Variants in XPR1 observed in about 807,000 individuals in gnomAD.
XPR1 encodes xenotropic and polytropic retrovirus receptor 1, also known as solute carrier family 53 member 1.
Under a neutral mutation model 87.5 loss-of-function variants are expected in XPR1, and 28 were observed. The observed-to-expected ratio is 0.32, with a 90% CI of 0.24 to 0.44. The LOEUF (loss-of-function observed/expected upper bound fraction) is 0.44, where lower values mean the gene tolerates loss of function less well. XPR1 is among the 20% of genes least tolerant of loss of function. The pLI, the probability that XPR1 is intolerant of heterozygous loss-of-function variation, is 1.00. For missense variants in XPR1, 559 were observed against 862.3 expected, an observed-to-expected ratio of 0.65 and a Z score of 4.41; for synonymous variants, 300 against 306.1, an observed-to-expected ratio of 0.98 and a Z score of 0.21.
chr1:180,772,322 C>T (rs552877098), intron 2 of XPR1, among the ~76,000 whole-genome samples: 8 of 152,154 alleles, frequency 5.3e-5, no homozygotes, highest in Non-Finnish European at 1.0e-4. Flanking sequence ...TTTCCCTGAC[C>T]CAGCCCTGGA....
chr1:180,644,595 T>C (rs1655053495), intron 1 of XPR1, among the ~76,000 whole-genome samples: 1 of 152,132 alleles, frequency 6.6e-6, no homozygotes, highest in South Asian at 2.1e-4. Context: ...AGATTCTACC[T>C]GTAAAACAGT....
chr1:180,852,493 T>G (rs1391626418), intron 11 of XPR1, among the ~76,000 whole-genome samples: 1 of 152,166 alleles, frequency 6.6e-6, no homozygotes, highest in African/African-American at 2.4e-5. Flanking sequence ...AACCACAGTC[T>G]GAAAACTTTA....
intron 2 of XPR1, among the ~76,000 whole-genome samples, chr1:180,780,493 A>T (rs547889726): frequency 1.3e-5 from 2 of 152,242 alleles, no homozygotes; most frequent in East Asian, 1.9e-4. Context: ...GTCCATTTTT[A>T]AAAATTTGGT....
At chr1:180,844,719 C>T (rs962438236) in intron 11 of XPR1, among the ~76,000 whole-genome samples, 2 of 152,234 alleles carry the variant, frequency 1.3e-5, no homozygotes, top group Non-Finnish European at 2.9e-5. Context: ...GGGTTTGGCT[C>T]CTCACTGCAG....
At chr1:180,865,403 C>CTT (rs756971131) in intron 12 of XPR1, among the ~76,000 whole-genome samples, 315 of 140,582 alleles carry the variant, frequency 2.2e-3, no homozygotes, top group African/African-American at 7.3e-3. Context: ...ACATTTGTTT[C>CTT]TTTTTTTTTT....
chr1:180,651,045 C>T (rs1244986395), intron 1 of XPR1, among the ~76,000 whole-genome samples: 3 of 151,732 alleles, frequency 2.0e-5, no homozygotes, highest in African/African-American at 7.3e-5. Context: ...ACAGGACCCC[C>T]TTTCGATGTC....
chr1:180,742,020 G>A (rs374598882), intron 2 of XPR1, among the ~76,000 whole-genome samples: 1 of 151,426 alleles, frequency 6.6e-6, no homozygotes, highest in Non-Finnish European at 1.5e-5. Flanking sequence ...GGTAATTTGT[G>A]TCTTTTCTTT....
chr1:180,824,658 G>T, intron 7 of XPR1, 95 bp from the exon 8 acceptor site: 1 of 1,077,690 alleles, frequency 9.3e-7, no homozygotes, highest in Non-Finnish European at 1.3e-6. Context: ...AAATTTCTAT[G>T]CCAGGGCTAT....
chr1:180,833,854 T>TA (rs1263789317), intron 9 of XPR1, among the ~76,000 whole-genome samples: 2 of 152,248 alleles, frequency 1.3e-5, no homozygotes, highest in African/African-American at 4.8e-5. Flanking sequence ...TGTCATATGC[T>TA]ATCTGGAAAA....
chr1:180,726,160 A>G (rs111390727), intron 2 of XPR1, among the ~76,000 whole-genome samples: 55 of 152,194 alleles, frequency 3.6e-4, no homozygotes, highest in South Asian at 8.3e-4. Context: ...AAAAACACCA[A>G]TCAGCGCTAT....
Position 180,665,107 on chromosome 1 carries a change from G to GAATCTTACAATTCCTA in XPR1, c.70-17252_70-17251insATCTTACAATTCCTAA, listed in dbSNP as rs1655913943. On this transcript the variant is annotated intron_variant, in intron 1 of 14. Coordinates refer to ENST00000367590, the MANE Select transcript of XPR1 (RefSeq NM_004736.4). The stretch of plus-strand genomic sequence containing the variant: ...TGACTCACAGTTTCCCATTGCTGAG[G>GAATCTTACAATTCCTA]AGGTCTTAGGAATCTTACAATTGTG... Among the ~76,000 whole-genome samples the GAATCTTACAATTCCTA allele has an allele frequency of 2.6e-5, 4 of 152,294 alleles. No homozygotes were observed. The South Asian group carries it at 8.3e-4, about 32-fold the overall frequency.
intron 1 of XPR1, among the ~76,000 whole-genome samples, chr1:180,667,903 T>G (rs1338508006): frequency 2.0e-5 from 3 of 152,136 alleles, no homozygotes; most frequent in African/African-American, 4.8e-5. Context: ...TTATAATACT[T>G]TTTATTTCTA....
intron 11 of XPR1, among the ~76,000 whole-genome samples, chr1:180,853,226 G>A (rs1211199183): frequency 2.0e-5 from 3 of 152,088 alleles, no homozygotes; most frequent in Non-Finnish European, 4.4e-5. Flanking sequence ...CTGCCACTGC[G>A]CCTGGCTTCT....
chr1:180,649,769 A>G (rs921962509), intron 1 of XPR1, among the ~76,000 whole-genome samples: 8 of 152,272 alleles, frequency 5.3e-5, no homozygotes, highest in African/African-American at 1.9e-4. Context: ...GGTATCCCTG[A>G]GTCCTTCCTC....
intron 2 of XPR1, among the ~76,000 whole-genome samples, chr1:180,686,921 A>G (rs1392593547): frequency 1.3e-5 from 2 of 152,170 alleles, no homozygotes; most frequent in Non-Finnish European, 2.9e-5. Context: ...CTTGCCTTAT[A>G]TTAAGTCAGG....
At chr1:180,710,974 C>A (rs1204367970) in intron 2 of XPR1, among the ~76,000 whole-genome samples, 1 of 148,058 alleles carries the variant, frequency 6.8e-6, no homozygotes, top group East Asian at 2.0e-4. Flanking sequence ...ACTTCCCAGA[C>A]GGGGTGGCTG....
At chr1:180,668,670 A>T (rs936123453) in intron 1 of XPR1, among the ~76,000 whole-genome samples, 8 of 152,278 alleles carry the variant, frequency 5.3e-5, no homozygotes, top group Middle Eastern at 3.4e-3. Flanking sequence ...TCCATGAGTT[A>T]TTGAAGTATG....
intron 2 of XPR1, among the ~76,000 whole-genome samples, chr1:180,714,533 T>C (rs1657923207): frequency 6.6e-6 from 1 of 151,894 alleles, no homozygotes; most frequent in African/African-American, 2.4e-5. Context: ...GCCTCCTGAA[T>C]AATTGGGGCT....
chr1:180,650,998 T>C (rs1461750408), intron 1 of XPR1, among the ~76,000 whole-genome samples: 1 of 152,198 alleles, frequency 6.6e-6, no homozygotes, highest in African/African-American at 2.4e-5. Flanking sequence ...CAACAGATAT[T>C]TATTTTAAGG....
Sources: gnomAD v4.1 joint callset for allele counts (sites outside exome capture counted in the v4.1 genomes callset) on GRCh38, gnomAD v4.1.1 for gene constraint, MANE v1.5 for transcripts, NCBI Gene and HGNC (gene_info 2026-07-23, HGNC 2026-07-21) for gene names.